TMEM143: variants seen among roughly 807,000 people sequenced by gnomAD.
TMEM143 encodes the protein transmembrane protein 143.
A neutral mutation model predicts 40.3 loss-of-function variants in TMEM143; 45 were observed. That is an observed-to-expected ratio of 1.12 (90% CI 0.88 to 1.43). The LOEUF (loss-of-function observed/expected upper bound fraction) is 1.43. Among genes scored for constraint, TMEM143 ranks in the 40% most tolerant of loss-of-function variants. TMEM143 has a pLI of 0.00. For missense variants in TMEM143, 620 were observed against 613.4 expected (o/e 1.01, Z -0.11); for synonymous variants, 299 against 282.7 (o/e 1.06, Z -0.58).
chr19:48,342,200 G>A (rs1242956748), intron 6 of TMEM143, among the ~76,000 whole-genome samples: 10 of 117,326 alleles, frequency 8.5e-5, no homozygotes, highest in Non-Finnish European at 1.6e-4. Flanking sequence ...GAGGGGAGGC[G>A]GAAGGAAGGG....
intron 3 of TMEM143, among the ~76,000 whole-genome samples, chr19:48,349,770 C>T (rs932202285): frequency 1.3e-5 from 2 of 151,988 alleles, no homozygotes; most frequent in Admixed American, 6.6e-5. Context: ...CAGACCTGTC[C>T]ATTTATCATG....
chr19:48,345,074 C>T, intron 4 of TMEM143, 86 bp downstream of exon 4: 3 of 1,440,898 alleles, frequency 2.1e-6, no homozygotes, highest in Non-Finnish European at 1.9e-6. Context: ...CTCAGGACTA[C>T]AACTCCCAGC....
chr19:48,343,056 G>C, intron 5 of TMEM143: 1 of 674,124 alleles, frequency 1.5e-6, no homozygotes, highest in South Asian at 2.0e-5. Flanking sequence ...CGCATCTTCA[G>C]AATGTGGACC....
chr19:48,345,147 G>T lies in TMEM143; in HGVS notation c.564+13C>A. ...GCCTCCTGGGAGTTTTGTTCTCCTA[G>T]GGAGCCAAGTACCTGGACCTCATCC... On this transcript the variant is annotated intron_variant, in intron 4 of 7. Coordinates refer to ENST00000293261, the MANE Select transcript of TMEM143 (RefSeq NM_018273.4). 6.2e-7 allele frequency: 1 copy of T among 1,611,530 alleles called. No individual in the cohort carries two copies. The highest frequency in any genetic ancestry group is 1.7e-4 in the Middle Eastern group (1 of 5,862).
chr19:48,351,532 C>T (rs923370342), intron 3 of TMEM143, among the ~76,000 whole-genome samples: 2 of 152,152 alleles, frequency 1.3e-5, no homozygotes, highest in Non-Finnish European at 2.9e-5. Context: ...TCAGTCAAAG[C>T]AAAGTCCTCA....
chr19:48,357,947 G>A (rs188889880), intron 3 of TMEM143, among the ~76,000 whole-genome samples: 2 of 151,794 alleles, frequency 1.3e-5, no homozygotes, highest in East Asian at 3.9e-4. Context: ...GTTGGGATGG[G>A]GGTGAGGGAC....
chr19:48,354,616 C>T (rs1003902503), intron 3 of TMEM143, among the ~76,000 whole-genome samples: 2 of 152,142 alleles, frequency 1.3e-5, no homozygotes, highest in Non-Finnish European at 2.9e-5. Flanking sequence ...AGAACAGAGC[C>T]TGTGAGGTAC....
intron 6 of TMEM143, among the ~76,000 whole-genome samples, chr19:48,337,287 G>A (rs963384402): frequency 1.3e-5 from 2 of 152,032 alleles, no homozygotes; most frequent in Admixed American, 1.3e-4. Context: ...GGTGGCTCAC[G>A]CCTGTAATCC....
chr19:48,342,991 G>T, intron 5 of TMEM143, 182 bp from the exon 6 acceptor site: 3 of 765,766 alleles, frequency 3.9e-6, no homozygotes, highest in Non-Finnish European at 6.1e-6. Context: ...GTTCAATCGC[G>T]CCATCGATCC....
chr19:48,340,121 ATTTTT>A (rs11369636), intron 6 of TMEM143, among the ~76,000 whole-genome samples: 3 of 98,556 alleles, frequency 3.0e-5, no homozygotes, highest in Non-Finnish European at 5.6e-5. Context: ...GTCAACTGGG[ATTTTT>A]TTTTTTTTTT....
intron 6 of TMEM143, among the ~76,000 whole-genome samples, chr19:48,337,044 A>G (rs2147356402): frequency 6.6e-6 from 1 of 151,960 alleles, no homozygotes; most frequent in East Asian, 1.9e-4. Context: ...AGAAAAAAGA[A>G]AAAAAAGAAA....
At chr19:48,353,027 G>GA (rs1394392861) in intron 3 of TMEM143, among the ~76,000 whole-genome samples, 1 of 151,674 alleles carries the variant, frequency 6.6e-6, no homozygotes, top group Non-Finnish European at 1.5e-5. Context: ...AATGACAAGG[G>GA]AAAAAAAGAG....
intron 3 of TMEM143, among the ~76,000 whole-genome samples, chr19:48,356,955 A>AGT (rs943397317): frequency 1.7e-5 from 2 of 119,054 alleles, no homozygotes; most frequent in African/African-American, 6.8e-5. Context: ...CCCAGGCTGG[A>AGT]GTGCAGTGGC....
rs10422225 is a variant in TMEM143, at chr19:48,347,451, G to A, written c.370-2097C>T. ...TTCAAAGGCCGGCACAGTGGCTCAC[G>A]CCTGTAATCCCAACACTCTGGGAAG... On this transcript the variant is annotated intron_variant, in intron 3 of 7. Coordinates refer to ENST00000293261, the MANE Select transcript of TMEM143 (RefSeq NM_018273.4). 4.7e-3 allele frequency among the ~76,000 whole-genome samples: 715 copies of A among 152,128 alleles called. 9 individuals carry two copies. Among genetic ancestry groups the A allele is most frequent in the African/African-American group, 0.016 (683 of 41,516 alleles).
At chr19:48,344,508 G>A (rs541967660) in intron 4 of TMEM143, among the ~76,000 whole-genome samples, 3 of 151,994 alleles carry the variant, frequency 2.0e-5, no homozygotes, top group Admixed American at 6.6e-5. Flanking sequence ...AGATGAGTCC[G>A]GAACTCCTGG....
chr19:48,343,095 T>C lies in TMEM143; in HGVS notation c.695+226A>G. On this transcript the variant is annotated intron_variant, in intron 5 of 7. Transcript: ENST00000293261. ...CTCTCCGAGCCTCAGTTTTCCTTATTGGAAAATGGGGAGAACTGTCCCCAT... is the reference window on the plus strand; with the variant it reads ...CTCTCCGAGCCTCAGTTTTCCTTATCGGAAAATGGGGAGAACTGTCCCCAT... 5 of 707,684 alleles carry C rather than the reference T, an allele frequency of 7.1e-6. No individual in the cohort carries two copies. In the South Asian group the frequency reaches 1.0e-4, roughly 14 times the overall value. The allele number at this position is 707,684 out of a possible 1,614,324, so 43.8% of individuals were successfully genotyped here. A position where few individuals can be genotyped will look rare whatever the true frequency, so the allele number is the denominator to read the frequency against.
At chr19:48,352,103 T>C (rs1006411715) in intron 3 of TMEM143, among the ~76,000 whole-genome samples, 2 of 151,324 alleles carry the variant, frequency 1.3e-5, no homozygotes, top group Non-Finnish European at 2.9e-5. Context: ...AAAAATTAGC[T>C]GAGCGCGGTG....
intron 6 of TMEM143, among the ~76,000 whole-genome samples, chr19:48,342,170 AAGGGGAGGGG>A (rs1164231712): frequency 2.4e-5 from 1 of 42,074 alleles, no homozygotes; most frequent in Admixed American, 3.1e-4. Flanking sequence ...GAGGGAGGGG[AAGGGGAGGGG>A]AGGGGAGAGG....
chr19:48,360,212 T>C, intron 2 of TMEM143, 36 bp from the exon 3 acceptor site: 1 of 1,572,012 alleles, frequency 6.4e-7, no homozygotes, highest in Non-Finnish European at 8.7e-7. Flanking sequence ...TCTGTAGGCC[T>C]TTTCCCCTTC....
Sources: gnomAD v4.1 joint callset for allele counts (sites outside exome capture counted in the v4.1 genomes callset) on GRCh38, gnomAD v4.1.1 for gene constraint, MANE v1.5 for transcripts, NCBI Gene and HGNC (gene_info 2026-07-23, HGNC 2026-07-21) for gene names.